The following MARCHF11 variants were observed in gnomAD, a reference collection of about 807,000 sequenced individuals.
MARCHF11 encodes the protein E3 ubiquitin-protein ligase MARCHF11.
In MARCHF11, 29 loss-of-function variants were observed where a neutral mutation model predicts 37.3. That is an observed-to-expected ratio of 0.78 (90% confidence interval 0.58 to 1.06). The LOEUF (loss-of-function observed/expected upper bound fraction) is 1.06, where lower values mean the gene tolerates loss of function less well. Ranked by LOEUF, MARCHF11 falls within the 50% of genes least tolerant of loss-of-function variation. The pLI, the probability that MARCHF11 is intolerant of heterozygous loss-of-function variation, is 0.00. For synonymous variants in MARCHF11, 233 were observed against 228.0 expected, an observed-to-expected ratio of 1.02 and a Z score of -0.20; for missense variants, 482 against 533.4, an observed-to-expected ratio of 0.90 and a Z score of 0.95.
At chr5:16,151,198 A>G (rs1421552448) in intron 2 of MARCHF11, among the ~76,000 whole-genome samples, 2 of 152,138 alleles carry the variant, frequency 1.3e-5, no homozygotes, top group African/African-American at 2.4e-5. Context: ...TTCCAAGTCA[A>G]TAAGTTTGAT....
chr5:16,126,369 C>T (rs1191178277), intron 2 of MARCHF11, among the ~76,000 whole-genome samples: 1 of 152,172 alleles, frequency 6.6e-6, no homozygotes, highest in Non-Finnish European at 1.5e-5. Context: ...TAATTAAAAA[C>T]AAAATAATTT....
chr5:16,091,971 A>G (rs967551643), intron 2 of MARCHF11, among the ~76,000 whole-genome samples: 53 of 152,180 alleles, frequency 3.5e-4, no homozygotes, highest in Admixed American at 3.3e-3. Context: ...CAACCCGCAT[A>G]ATTTACTCAT....
Position 16,107,843 on chromosome 5 carries a change from G to T in MARCHF11, c.694-16762C>A, listed in dbSNP as rs559323419. 2.7e-5 allele frequency among the ~76,000 whole-genome samples: 4 copies of T among 150,918 alleles called. No individual in the cohort carries two copies. In the South Asian group the frequency reaches 8.5e-4, roughly 32 times the overall value. ...GAGCACCTAGAGGAGTTTGGCTGGG[G>T]GTGGTCAGAGAGGAGTTCGGCCGCT... is the stretch of plus-strand genomic sequence containing the variant. On this transcript the variant is annotated intron_variant, in intron 2 of 3. Coordinates refer to ENST00000332432, the MANE Select transcript of MARCHF11 (RefSeq NM_001102562.3).
In MARCHF11 at chr5:16,165,671, G is replaced by A. The variant is rs1218681650; in HGVS notation, c.693+12055C>T. Reference sequence around the variant, plus strand: ...CGGGTTTTAGAGAGGAAGACCACAGGTGAAATAATCTCATCACATCATATC... The same window carrying A: ...CGGGTTTTAGAGAGGAAGACCACAGATGAAATAATCTCATCACATCATATC... On this transcript the variant is annotated intron_variant, in intron 2 of 3. Coordinates refer to ENST00000332432, the MANE Select transcript of MARCHF11 (RefSeq NM_001102562.3). 5.3e-5 allele frequency among the ~76,000 whole-genome samples: 8 copies of A among 152,030 alleles called. No individual in the cohort carries two copies. The East Asian group carries it at 1.4e-3, about 26-fold the overall frequency.
At chr5:16,160,057 T>G (rs1738044404) in intron 2 of MARCHF11, among the ~76,000 whole-genome samples, 1 of 151,722 alleles carries the variant, frequency 6.6e-6, no homozygotes, top group South Asian at 2.1e-4. Context: ...CAACCACTGT[T>G]TCTTTTACAA....
intron 2 of MARCHF11, among the ~76,000 whole-genome samples, chr5:16,174,521 G>A (rs148738101): frequency 1.3e-3 from 196 of 152,350 alleles, no homozygotes; most frequent in Middle Eastern, 6.8e-3. Flanking sequence ...TAGGCTCACT[G>A]CAGCGTGTTT....
At chr5:16,162,543 A>T (rs1209990355) in intron 2 of MARCHF11, among the ~76,000 whole-genome samples, 2 of 151,998 alleles carry the variant, frequency 1.3e-5, no homozygotes, top group Admixed American at 1.3e-4. Context: ...AAATTTTAAC[A>T]ATATCTCTCA....
intron 2 of MARCHF11, among the ~76,000 whole-genome samples, chr5:16,171,209 C>T (rs931693691): frequency 6.6e-6 from 1 of 151,584 alleles, no homozygotes; most frequent in African/African-American, 2.4e-5. Context: ...CACCCACTAA[C>T]TCTTCATCTA....
At chr5:16,092,866 T>C (rs1240705419) in intron 2 of MARCHF11, among the ~76,000 whole-genome samples, 1 of 152,252 alleles carries the variant, frequency 6.6e-6, no homozygotes, top group East Asian at 1.9e-4. Context: ...TAATTTTAAG[T>C]ACATTTATTC....
intron 2 of MARCHF11, among the ~76,000 whole-genome samples, chr5:16,174,001 G>C (rs1218050526): frequency 1.3e-5 from 2 of 152,134 alleles, no homozygotes; most frequent in Non-Finnish European, 2.9e-5. Flanking sequence ...AGTACAGTCT[G>C]TCTTTTATAG....
At chr5:16,117,911 G>C (rs570255343) in intron 2 of MARCHF11, among the ~76,000 whole-genome samples, 1 of 152,138 alleles carries the variant, frequency 6.6e-6, no homozygotes, top group Middle Eastern at 3.2e-3. Flanking sequence ...TGGCAAAAAG[G>C]GAGTACGCAT....
At chr5:16,069,809 A>G (rs1308506602) in intron 3 of MARCHF11, among the ~76,000 whole-genome samples, 2 of 152,134 alleles carry the variant, frequency 1.3e-5, no homozygotes, top group African/African-American at 2.4e-5. Context: ...TGGACAGACT[A>G]TTACCTTTTT....
chr5:16,140,423 G>T (rs1737683656), intron 2 of MARCHF11, among the ~76,000 whole-genome samples: 1 of 152,136 alleles, frequency 6.6e-6, no homozygotes, highest in Non-Finnish European at 1.5e-5. Context: ...ATGGGTCATT[G>T]TATATATAGC....
chr5:16,121,369 C>G (rs920237399), intron 2 of MARCHF11, among the ~76,000 whole-genome samples: 10 of 152,216 alleles, frequency 6.6e-5, no homozygotes, highest in African/African-American at 2.4e-4. Flanking sequence ...CCAGGACTTT[C>G]TTTCGTTTTA....
At chr5:16,084,348 A>G (rs1371027297) in intron 3 of MARCHF11, among the ~76,000 whole-genome samples, 1 of 152,212 alleles carries the variant, frequency 6.6e-6, no homozygotes, top group Non-Finnish European at 1.5e-5. Flanking sequence ...TAATAACTGT[A>G]AGAATTTACA....
chr5:16,094,153 C>T (rs527658159), intron 2 of MARCHF11, among the ~76,000 whole-genome samples: 1 of 152,240 alleles, frequency 6.6e-6, no homozygotes, highest in South Asian at 2.1e-4. Context: ...CCACTATATA[C>T]GGTGCTTTCT....
At chr5:16,144,782 C>G (rs1737773552) in intron 2 of MARCHF11, among the ~76,000 whole-genome samples, 1 of 152,150 alleles carries the variant, frequency 6.6e-6, no homozygotes, top group Non-Finnish European at 1.5e-5. Context: ...ATTTTCAGTT[C>G]ATTATCTGAA....
chr5:16,179,524 C>A lies in MARCHF11; in HGVS notation c.52G>T (p.Gly18Trp). Reference sequence around the variant, plus strand: ...GGTTGCGGGGGAGGCTCGGCGTCCCCGCTCTCCGCCCCGCGACACCGACTG... The same window carrying A: ...GGTTGCGGGGGAGGCTCGGCGTCCCAGCTCTCCGCCCCGCGACACCGACTG... ...GGSRCRGAES[G>W]DAEPPPQPPP... Residue 18 changes from glycine (G) to tryptophan (W), a missense_variant, in exon 1 of 4, where the codon GGG becomes TGG. By Grantham distance (184) the Gly-to-Trp change is radical. Coordinates refer to ENST00000332432, the MANE Select transcript of MARCHF11 (RefSeq NM_001102562.3). The A allele has an allele frequency of 3.4e-6, 4 of 1,180,516 alleles. No homozygotes were observed. The highest frequency in any genetic ancestry group is 4.2e-5 in the South Asian group (1 of 23,854). The allele number at this position is 1,180,516 out of a possible 1,614,324, so 73.1% of individuals were successfully genotyped here.
chr5:16,135,512 A>G (rs1354825553), intron 2 of MARCHF11, among the ~76,000 whole-genome samples: 3 of 152,308 alleles, frequency 2.0e-5, no homozygotes, highest in East Asian at 1.9e-4. Context: ...TACTGCCTAC[A>G]GTTTTGGGGT....
Sources: gnomAD v4.1 joint callset for allele counts (sites outside exome capture counted in the v4.1 genomes callset) on GRCh38, gnomAD v4.1.1 for gene constraint, MANE v1.5 for transcripts, NCBI Gene and HGNC (gene_info 2026-07-23, HGNC 2026-07-21) for gene names.